Variants in AADAT observed in about 807,000 individuals in gnomAD.
AADAT encodes the protein aminoadipate aminotransferase.
AADAT carries 25 observed loss-of-function variants against 56.2 expected under a neutral mutation model. The ratio of observed to expected loss-of-function variants is 0.44; its 90% confidence interval spans 0.32 to 0.62. AADAT has a LOEUF of 0.62. Among genes scored for constraint, AADAT ranks in the 20% least tolerant of loss-of-function variants. The probability of loss-of-function intolerance (pLI) is 0.04; values close to 1 mark genes in which losing one functional copy is unlikely to be tolerated. For synonymous variants in AADAT, 173 were observed against 164.7 expected, an observed-to-expected ratio of 1.05 and a Z score of -0.39; for missense variants, 387 against 510.5, an observed-to-expected ratio of 0.76 and a Z score of 2.33.
rs994075447 is a variant in AADAT, at chr4:170,088,690, T to C, written c.68-126A>G. The stretch of plus-strand genomic sequence containing the variant: ...TTTCTAGTGATAGAGTGTGCTATGG[T>C]CTAAATGTTGGTGCTCCCCCAGATT... On this transcript the variant is annotated intron_variant, in intron 1 of 12. Coordinates refer to ENST00000337664, the MANE Select transcript of AADAT (RefSeq NM_016228.4). 9.1e-6 allele frequency: 9 copies of C among 983,978 alleles called. No individual in the cohort carries two copies. In the African/African-American group the frequency reaches 1.5e-4, roughly 16 times the overall value. The allele number at this position is 983,978 out of a possible 1,614,324, so 61.0% of individuals were successfully genotyped here.
At chr4:170,075,989 C>T (rs1732016666) in intron 4 of AADAT, among the ~76,000 whole-genome samples, 1 of 152,168 alleles carries the variant, frequency 6.6e-6, no homozygotes, top group Admixed American at 6.5e-5. Flanking sequence ...ATCCATTCAT[C>T]CACTGATGGA....
At chr4:170,092,537 G>A (rs534372450), upstream of AADAT, among the ~76,000 whole-genome samples, 18 of 152,088 alleles carry the variant, frequency 1.2e-4, no homozygotes, top group African/African-American at 1.9e-4. Flanking sequence ...CTGCGGCTTC[G>A]TTCTTGATGT....
Position 170,087,127 on chromosome 4 carries a change from C to A in AADAT, c.358G>T (p.Gly120Cys), listed in dbSNP as rs1732600895. ...CCTTTCAGTCTTACCTTACAAAGAC[C>A]TTGTTGGCTGCCAGATGTGACACAT... ...DLCVTSGSQQ[G>C]LCKVFEMIIN... Residue 120 changes from glycine to cysteine, a missense_variant, in exon 3 of 13, where the codon GGT becomes TGT. Gly to Cys is a radical substitution (Grantham distance 159). Coordinates refer to ENST00000337664, the MANE Select transcript of AADAT (RefSeq NM_016228.4). 1 of 1,613,810 alleles carries A rather than the reference C, an allele frequency of 6.2e-7. No homozygotes were observed. The highest frequency in any genetic ancestry group is 1.7e-5 in the Admixed American group (1 of 59,942).
At chr4:170,093,098 TCTAA>T (rs1297815723), upstream of AADAT, among the ~76,000 whole-genome samples, 9 of 152,190 alleles carry the variant, frequency 5.9e-5, no homozygotes, top group East Asian at 1.9e-4. Flanking sequence ...AGGGGAGGAC[TCTAA>T]CTGAGCAAGG....
chr4:170,074,038 A>G (rs1392660553), intron 4 of AADAT, among the ~76,000 whole-genome samples: 1 of 152,112 alleles, frequency 6.6e-6, no homozygotes, highest in East Asian at 1.9e-4. Context: ...GCTTCTGTCA[A>G]TCTGGGGCTT....
chr4:170,093,197 G>A (rs1488802573), upstream of AADAT, among the ~76,000 whole-genome samples: 2 of 152,152 alleles, frequency 1.3e-5, no homozygotes, highest in Admixed American at 6.5e-5. Context: ...GGGAGGCCAA[G>A]GTGGGTGGAT....
chr4:170,088,587 G>A (rs1732678446), intron 1 of AADAT, 23 bp from the exon 2 acceptor site: 1 of 1,587,818 alleles, frequency 6.3e-7, no homozygotes, highest in Non-Finnish European at 8.6e-7. Context: ...TGGAAGAGAA[G>A]AAACAATTTC....
In AADAT at chr4:170,089,657, C is replaced by T. The variant is rs751685780; in HGVS notation, c.34G>A (p.Ala12Thr). ...CGGATGGGAGAAGGGTTTCTGGCTG[C>T]GCTCGCTGCCGTGATGAACCGTGCG... is the stretch of plus-strand genomic sequence containing the variant. ...NYARFITAASAARNPSPIRTM... is the reference protein window; with the variant it reads ...NYARFITAASTARNPSPIRTM... The change falls in exon 1 of 13, where the codon GCA (alanine) becomes ACA (threonine). Residue 12 changes from alanine (A) to threonine (T), a missense_variant. Physicochemically the swap from Ala to Thr is moderately conservative, Grantham distance 58 (BLOSUM62 0). Coordinates refer to ENST00000337664, the MANE Select transcript of AADAT (RefSeq NM_016228.4). 1 of 1,614,172 alleles carries T rather than the reference C, an allele frequency of 6.2e-7. No individual in the cohort carries two copies. The highest frequency in any genetic ancestry group is 1.1e-5 in the South Asian group (1 of 91,088).
At chr4:170,071,595 A>G (rs539208151) in intron 5 of AADAT, among the ~76,000 whole-genome samples, 1 of 152,324 alleles carries the variant, frequency 6.6e-6, no homozygotes, top group African/African-American at 2.4e-5. Context: ...GGAGGGCTGT[A>G]AACAGGAGAA....
chr4:170,075,971 T>C (rs530895530), intron 4 of AADAT, among the ~76,000 whole-genome samples: 38 of 152,354 alleles, frequency 2.5e-4, no homozygotes, highest in African/African-American at 8.4e-4. Context: ...ATATACCACA[T>C]TTTATTTATC....
chr4:170,080,353 G>A (rs1346013008), intron 3 of AADAT, among the ~76,000 whole-genome samples: 1 of 152,010 alleles, frequency 6.6e-6, no homozygotes, highest in Non-Finnish European at 1.5e-5. Flanking sequence ...CTAATTCACG[G>A]CTTCTACACT....
chr4:170,093,539 C>T (rs111764920), upstream of AADAT, among the ~76,000 whole-genome samples: 22 of 152,266 alleles, frequency 1.4e-4, no homozygotes, highest in African/African-American at 5.1e-4. Flanking sequence ...TTTTTGTAAG[C>T]ACGTTGATGC....
At chr4:170,063,203 T>C (rs1731278225) in intron 11 of AADAT, among the ~76,000 whole-genome samples, 1 of 152,152 alleles carries the variant, frequency 6.6e-6, no homozygotes. Context: ...AGTTCTGGGA[T>C]GTACTAGAAG....
intron 3 of AADAT, among the ~76,000 whole-genome samples, chr4:170,084,609 G>A (rs1378657654): frequency 6.6e-6 from 1 of 152,108 alleles, no homozygotes; most frequent in Non-Finnish European, 1.5e-5. Flanking sequence ...CCCAGTTTGA[G>A]TCCTTTTTCC....
intron 5 of AADAT, 21 bp from the exon 6 acceptor site, chr4:170,070,673 T>C (rs1172316180): frequency 3.5e-6 from 5 of 1,444,018 alleles, no homozygotes; most frequent in African/African-American, 1.4e-5. Context: ...TTGAAGTAAT[T>C]GTTTATTTCT....
chr4:170,073,150 T>C lies in AADAT; in HGVS notation c.640A>G (p.Lys214Glu), dbSNP rs1355118438. 2 of 1,614,076 alleles carry C rather than the reference T, an allele frequency of 1.2e-6. No individual in the cohort carries two copies. The highest frequency in any genetic ancestry group is 3.3e-5 in the Admixed American group (2 of 60,004). ...TTCTACAATACCTCATAGATTTCCT[T>C]TTTGCGTTCACTGGTTAATGAGTTT... ...TGNSLTSERK[K>E]EIYELARKYD... Residue 214 changes from lysine to glutamate, a missense_variant, in exon 5 of 13, where the codon AAG (lysine) becomes GAG (glutamate). Physicochemically the swap from Lys to Glu is moderately conservative, Grantham distance 56. Transcript: ENST00000337664.
Position 170,066,399 on chromosome 4 carries a change from A to G in AADAT, c.1027+15T>C. ...GCTACTGTTTATCATGAGGACGAATATACGTTCCACTCACCAGTTAACCAC... is the reference window on the plus strand; with the variant it reads ...GCTACTGTTTATCATGAGGACGAATGTACGTTCCACTCACCAGTTAACCAC... On this transcript the variant is annotated intron_variant, in intron 10 of 12. Coordinates refer to ENST00000337664, the MANE Select transcript of AADAT (RefSeq NM_016228.4). The G allele has an allele frequency of 6.2e-7, 1 of 1,610,408 alleles. No individual in the cohort carries two copies. The highest frequency in any genetic ancestry group is 8.5e-7 in the Non-Finnish European group (1 of 1,176,832).
upstream of AADAT, chr4:170,091,471 T>C (rs2928820): frequency 0.65 from 99,963 of 154,090 alleles, 34,457 homozygotes; most frequent in East Asian, 0.98. Flanking sequence ...CCCAGCGGGG[T>C]GGGACTCGGA....
chr4:170,069,469 T>C lies in AADAT; in HGVS notation c.721-239A>G, dbSNP rs1315703371. Reference sequence around the variant, plus strand: ...ACACACACAAGGGCTTATTATTTGCTCCAGATGCCATTATTATGAACTTAA... The same window carrying C: ...ACACACACAAGGGCTTATTATTTGCCCCAGATGCCATTATTATGAACTTAA... On this transcript the variant is annotated intron_variant, in intron 6 of 12. Transcript: ENST00000337664. Among the ~76,000 whole-genome samples, 7 of 152,192 alleles carry C rather than the reference T, an allele frequency of 4.6e-5. No homozygotes were observed. In the East Asian group the frequency reaches 1.2e-3, roughly 25 times the overall value.
Sources: gnomAD v4.1 joint callset for allele counts (sites outside exome capture counted in the v4.1 genomes callset) on GRCh38, gnomAD v4.1.1 for gene constraint, MANE v1.5 for transcripts, NCBI Gene and HGNC (gene_info 2026-07-23, HGNC 2026-07-21) for gene names.